Variants in GADL1 observed in about 807,000 individuals in gnomAD.
GADL1 encodes acidic amino acid decarboxylase GADL1.
In GADL1, 71 loss-of-function variants were observed where a neutral mutation model predicts 69.5. That is an observed-to-expected ratio of 1.02 (90% confidence interval 0.84 to 1.25). GADL1 has a LOEUF of 1.25. Among genes scored for constraint, GADL1 ranks in the 50% most tolerant of loss-of-function variants. GADL1 has a pLI of 0.00. For synonymous variants in GADL1, 254 were observed against 214.4 expected (o/e 1.18, Z -1.62); for missense variants, 737 against 631.8 (o/e 1.17, Z -1.79).
At chr3:30,811,680 ATTCTG>A (rs1418440489) in intron 11 of GADL1, among the ~76,000 whole-genome samples, 1 of 152,190 alleles carries the variant, frequency 6.6e-6, no homozygotes, top group Non-Finnish European at 1.5e-5. Flanking sequence ...ATTTCAGTCT[ATTCTG>A]TTCTGTTAAT....
chr3:30,880,769 CTG>C lies in GADL1; in HGVS notation c.37+13807_37+13808del, dbSNP rs1698631867. Among the ~76,000 whole-genome samples the C allele has an allele frequency of 4.0e-5, 6 of 151,874 alleles. No homozygotes were observed. In the South Asian group the frequency reaches 1.2e-3, roughly 32 times the overall value. ...ATTCCCTGCAGATTCTGAGGGATGA[CTG>C]TACTCTAAAATTTTATGGAGGTGAG... On this transcript the variant is annotated intron_variant, in intron 1 of 14. Transcript: ENST00000282538.
chr3:30,876,221 A>G (rs1698574961), intron 1 of GADL1, among the ~76,000 whole-genome samples: 1 of 152,072 alleles, frequency 6.6e-6, no homozygotes, highest in Non-Finnish European at 1.5e-5. Context: ...AGAGAAGTTA[A>G]GTAACTTGCC....
At chr3:30,839,269 T>A (rs376012802) in intron 8 of GADL1, among the ~76,000 whole-genome samples, 156 bp from the exon 9 acceptor site, 21 of 152,190 alleles carry the variant, frequency 1.4e-4, no homozygotes, top group East Asian at 5.8e-4. Flanking sequence ...TTTGTGAATA[T>A]GTGGCCTCTT....
Position 30,786,370 on chromosome 3 carries a change from G to C in GADL1, c.1287C>G (p.Phe429Leu), listed in dbSNP as rs1696789418. The change falls in exon 13 of 15, where the codon TTC becomes TTG. Residue 429 changes from phenylalanine (F) to leucine (L), a missense_variant. Physicochemically the swap from Phe to Leu is conservative, Grantham distance 22. Coordinates refer to ENST00000282538, the MANE Select transcript of GADL1 (RefSeq NM_207359.3). ...LVDEIKKREG[F>L]KLLMEPEYAN... Reference sequence around the variant, plus strand: ...AATCACTTACTTCCATCAGTAACTTGAATCCTTCTCTTTTCTTGATTTCAT... The same window carrying C: ...AATCACTTACTTCCATCAGTAACTTCAATCCTTCTCTTTTCTTGATTTCAT... 1 of 1,560,704 alleles carries C rather than the reference G, an allele frequency of 6.4e-7. No homozygotes were observed. The highest frequency in any genetic ancestry group is 8.8e-7 in the Non-Finnish European group (1 of 1,132,838).
chr3:30,789,307 CTT>C (rs915268477), intron 12 of GADL1, among the ~76,000 whole-genome samples: 3 of 152,152 alleles, frequency 2.0e-5, no homozygotes, highest in Admixed American at 6.6e-5. Context: ...TGAAAAGAAT[CTT>C]TTTTTCTGAG....
chr3:30,767,333 A>G (rs1344827032), intron 14 of GADL1, among the ~76,000 whole-genome samples: 1 of 152,196 alleles, frequency 6.6e-6, no homozygotes, highest in African/African-American at 2.4e-5. Flanking sequence ...TTTACAAAAG[A>G]TCCAGGAGGA....
At chr3:30,823,505 C>T (rs540399539) in intron 11 of GADL1, among the ~76,000 whole-genome samples, 1 of 151,878 alleles carries the variant, frequency 6.6e-6, no homozygotes, top group Non-Finnish European at 1.5e-5. Context: ...CTGCTAATTC[C>T]CTCAGATACA....
In GADL1 at chr3:30,806,379, C is replaced by T. The variant is rs75779869; in HGVS notation, c.1051-5291G>A. On this transcript the variant is annotated intron_variant, in intron 11 of 14. Coordinates refer to ENST00000282538, the MANE Select transcript of GADL1 (RefSeq NM_207359.3). ...AAGTGTCTGGGTTAATATTTGTTGGCGTAATGTGCAAAATCAAATTTAGGT... is the reference window on the plus strand; with the variant it reads ...AAGTGTCTGGGTTAATATTTGTTGGTGTAATGTGCAAAATCAAATTTAGGT... Among the ~76,000 whole-genome samples, 1,579 of 152,098 alleles carry T rather than the reference C, an allele frequency of 0.01. 93 individuals carry two copies. The East Asian group carries it at 0.19, about 19-fold the overall frequency.
At chr3:30,755,517 T>TCA (rs1264764920) in intron 14 of GADL1, among the ~76,000 whole-genome samples, 11 of 152,220 alleles carry the variant, frequency 7.2e-5, no homozygotes, top group Non-Finnish European at 1.3e-4. Flanking sequence ...CTAAGGAATT[T>TCA]CTTGGGCCTG....
chr3:30,878,031 G>C (rs1244143285), intron 1 of GADL1, among the ~76,000 whole-genome samples: 1 of 151,820 alleles, frequency 6.6e-6, no homozygotes, highest in Non-Finnish European at 1.5e-5. Flanking sequence ...TACAGGTTTT[G>C]TTTCTTACTT....
intron 9 of GADL1, among the ~76,000 whole-genome samples, chr3:30,835,128 C>G (rs1313315530): frequency 1.3e-5 from 2 of 151,972 alleles, no homozygotes; most frequent in East Asian, 3.9e-4. Context: ...TTATAAAGTT[C>G]AGAGGTGTTC....
At chr3:30,767,244 TAAG>T (rs1248926125) in intron 14 of GADL1, among the ~76,000 whole-genome samples, 1 of 152,148 alleles carries the variant, frequency 6.6e-6, no homozygotes, top group Non-Finnish European at 1.5e-5. Flanking sequence ...TAATCTTCAA[TAAG>T]AATATTTAAA....
intron 14 of GADL1, among the ~76,000 whole-genome samples, chr3:30,763,108 G>C (rs1444903260): frequency 6.6e-6 from 1 of 152,052 alleles, no homozygotes; most frequent in Non-Finnish European, 1.5e-5. Context: ...CCATAAATAG[G>C]TAAAGTCATG....
At chr3:30,736,267 A>T (rs1206747801) in intron 14 of GADL1, among the ~76,000 whole-genome samples, 1 of 152,134 alleles carries the variant, frequency 6.6e-6, no homozygotes, top group Non-Finnish European at 1.5e-5. Context: ...CCGACCATAC[A>T]CAGACCAACA....
At chr3:30,844,666 G>A (rs1494740) in intron 6 of GADL1, among the ~76,000 whole-genome samples, 200 bp from the exon 7 acceptor site, 27,326 of 152,030 alleles carry the variant, frequency 0.18, 2,760 homozygotes, top group Admixed American at 0.29. Flanking sequence ...AGGATTGAAC[G>A]TCAAGTATTC....
At chr3:30,880,988 A>G (rs1442806445) in intron 1 of GADL1, among the ~76,000 whole-genome samples, 2 of 151,904 alleles carry the variant, frequency 1.3e-5, no homozygotes, top group East Asian at 3.9e-4. Context: ...AGCAGTGCAA[A>G]TGGAGAAAGT....
At chr3:30,749,180 A>C (rs542674157) in intron 14 of GADL1, among the ~76,000 whole-genome samples, 3 of 152,306 alleles carry the variant, frequency 2.0e-5, no homozygotes, top group South Asian at 2.1e-4. Context: ...GGGGTATCAT[A>C]GTTTCTGTGA....
chr3:30,757,883 A>G (rs1696017726), intron 14 of GADL1, among the ~76,000 whole-genome samples: 1 of 152,172 alleles, frequency 6.6e-6, no homozygotes, highest in Non-Finnish European at 1.5e-5. Flanking sequence ...ATCAAAAGGA[A>G]TATCTGAGCT....
At chr3:30,828,806 C>G (rs529788764) in intron 11 of GADL1, among the ~76,000 whole-genome samples, 1 of 152,000 alleles carries the variant, frequency 6.6e-6, no homozygotes, top group East Asian at 1.9e-4. Flanking sequence ...CTCTACTCTG[C>G]TCATGAGAAT....
Sources: gnomAD v4.1 joint callset for allele counts (sites outside exome capture counted in the v4.1 genomes callset) on GRCh38, gnomAD v4.1.1 for gene constraint, MANE v1.5 for transcripts, NCBI Gene and HGNC (gene_info 2026-07-23, HGNC 2026-07-21) for gene names.